Variants in FRYL observed in about 807,000 individuals in gnomAD.
FRYL encodes protein furry homolog-like.
Under a neutral mutation model 351.2 loss-of-function variants are expected in FRYL, and 150 were observed. That is an observed-to-expected ratio of 0.43 (90% CI 0.37 to 0.49). The LOEUF is 0.49. Among genes scored for constraint, FRYL ranks in the 20% least tolerant of loss-of-function variants. FRYL has a pLI of 0.00. For synonymous variants in FRYL, 1,153 were observed against 1,257.1 expected, an observed-to-expected ratio of 0.92 and a Z score of 1.75; for missense variants, 3,036 against 3,619.3, an observed-to-expected ratio of 0.84 and a Z score of 4.13.
At chr4:48,728,776 A>C (rs1007319277) in intron 1 of FRYL, among the ~76,000 whole-genome samples, 2 of 152,232 alleles carry the variant, frequency 1.3e-5, no homozygotes, top group Non-Finnish European at 2.9e-5. Context: ...GAATAGTAAC[A>C]GCTCTGGTCT....
intron 4 of FRYL, among the ~76,000 whole-genome samples, chr4:48,628,191 G>C (rs781142413): frequency 5.2e-4 from 79 of 152,288 alleles, no homozygotes; most frequent in Non-Finnish European, 6.8e-4. Context: ...TGAATGCAAA[G>C]ATGTGTGTAC....
At chr4:48,715,206 C>T (rs1345251469) in intron 1 of FRYL, among the ~76,000 whole-genome samples, 2 of 151,552 alleles carry the variant, frequency 1.3e-5, no homozygotes, top group South Asian at 2.1e-4. Context: ...CCTTTGAAAA[C>T]TGGCACAAGA....
chr4:48,738,685 G>A (rs1165684174), intron 1 of FRYL, among the ~76,000 whole-genome samples: 1 of 94,802 alleles, frequency 1.1e-5, no homozygotes, highest in Non-Finnish European at 2.2e-5. Context: ...TTTTTTTTTT[G>A]GTAGAGACAG....
intron 3 of FRYL, chr4:48,653,794 C>T (rs1179757216): frequency 7.8e-7 from 1 of 1,286,784 alleles, no homozygotes; most frequent in African/African-American, 1.6e-5. Flanking sequence ...CATAGTGTCT[C>T]AATCAGCTGC....
At chr4:48,693,885 G>A (rs1418000528) in intron 2 of FRYL, among the ~76,000 whole-genome samples, 7 of 152,240 alleles carry the variant, frequency 4.6e-5, no homozygotes, top group African/African-American at 1.2e-4. Context: ...TATTATGTAC[G>A]AGTATTAAAT....
At chr4:48,650,196 C>A (rs1451081181) in intron 3 of FRYL, among the ~76,000 whole-genome samples, 3 of 152,112 alleles carry the variant, frequency 2.0e-5, no homozygotes, top group Non-Finnish European at 4.4e-5. Flanking sequence ...CCCTGAGAGA[C>A]ATCAGTAGCA....
At position 48,540,073 on chromosome 4, in the gene FRYL, C is replaced by G. The variant is rs1423983105; in HGVS notation, c.6296-5G>C. ...AAAGGATGTTAAGAGGAAAGCCTAT[C>G]AAAACAAAAAAAAGCAAACAATAAC... On this transcript the variant is annotated splice_polypyrimidine_tract_variant and splice_region_variant and intron_variant, in intron 46 of 63. Transcript: ENST00000358350. 1.9e-6 allele frequency: 3 copies of G among 1,595,436 alleles called. No homozygotes were observed. The highest frequency in any genetic ancestry group is 2.6e-6 in the Non-Finnish European group (3 of 1,172,474).
chr4:48,504,300 G>T (rs1340644404), intron 60 of FRYL, among the ~76,000 whole-genome samples: 1 of 152,090 alleles, frequency 6.6e-6, no homozygotes, highest in African/African-American at 2.4e-5. Context: ...AAGGTGAGCT[G>T]AAATATAAAT....
chr4:48,708,307 T>A (rs573313397), intron 2 of FRYL, among the ~76,000 whole-genome samples: 4 of 151,118 alleles, frequency 2.6e-5, no homozygotes, highest in African/African-American at 7.3e-5. Flanking sequence ...AATAAATAAA[T>A]AAAAATAAAA....
chr4:48,732,867 G>A (rs182636908), intron 1 of FRYL, among the ~76,000 whole-genome samples: 164 of 150,762 alleles, frequency 1.1e-3, no homozygotes, highest in South Asian at 4.4e-3. Flanking sequence ...TGGAATGTGC[G>A]TACCTATGAA....
At chr4:48,718,489 C>A (rs572085593) in intron 1 of FRYL, among the ~76,000 whole-genome samples, 6 of 151,432 alleles carry the variant, frequency 4.0e-5, no homozygotes, top group Non-Finnish European at 7.4e-5. Context: ...CTACTCTATA[C>A]GTTAGTTGTA....
At position 48,499,337 on chromosome 4, in the gene FRYL, G is replaced by C; in HGVS notation, c.*85C>G. On this transcript the variant is annotated 3_prime_UTR_variant, in exon 64 of 64. Coordinates refer to ENST00000358350, the MANE Select transcript of FRYL (RefSeq NM_015030.2). ...AGTAGATGCTGCCAGAAAGTTATCA[G>C]TGAATGCAAGGGTCCATAAAAGGTG... The C allele has an allele frequency of 8.5e-7, 1 of 1,171,198 alleles. No individual in the cohort carries two copies. Among genetic ancestry groups the C allele is most frequent in the South Asian group, 1.4e-5 (1 of 70,110 alleles). 72.6% of individuals were successfully genotyped at this position (1,171,198 alleles called of 1,614,324 possible). A position where few individuals can be genotyped will look rare whatever the true frequency, so the allele number is the denominator to read the frequency against.
intron 2 of FRYL, among the ~76,000 whole-genome samples, chr4:48,697,847 T>A (rs1766346249): frequency 6.6e-6 from 1 of 151,984 alleles, no homozygotes; most frequent in Non-Finnish European, 1.5e-5. Context: ...AAAGAAGAAA[T>A]AAGAATGGTA....
intron 59 of FRYL, among the ~76,000 whole-genome samples, chr4:48,507,535 C>CAGTT (rs56023671): frequency 0.099 from 15,093 of 151,728 alleles, 860 homozygotes; most frequent in Non-Finnish European, 0.12. Flanking sequence ...CTCAAACAAA[C>CAGTT]AGTTAGTTAG....
chr4:48,531,952 T>A (rs7439175), intron 49 of FRYL, among the ~76,000 whole-genome samples: 150,396 of 152,186 alleles, frequency 0.99, 74,335 homozygotes, highest in South Asian at 1. Flanking sequence ...TTGGCTATTT[T>A]AAAAAAATTT....
At chr4:48,585,407 G>A (rs1236014523) in intron 19 of FRYL, among the ~76,000 whole-genome samples, 4 of 152,176 alleles carry the variant, frequency 2.6e-5, no homozygotes, top group Admixed American at 6.5e-5. Context: ...CTAGGGAAGT[G>A]GGGAGAAAGG....
chr4:48,712,374 G>A (rs1217230608), intron 1 of FRYL, among the ~76,000 whole-genome samples: 3 of 152,288 alleles, frequency 2.0e-5, no homozygotes, highest in Admixed American at 6.5e-5. Context: ...AGTGCTTAAA[G>A]GAGCCGATGG....
chr4:48,713,507 A>T (rs1768360487), intron 1 of FRYL, among the ~76,000 whole-genome samples: 1 of 152,212 alleles, frequency 6.6e-6, no homozygotes, highest in Non-Finnish European at 1.5e-5. Flanking sequence ...ACCAAAAAAG[A>T]TCAAAAGAGA....
rs191941860 is a variant in FRYL, at chr4:48,562,307, A to G, written c.3696+582T>C. ...TTAATTAACAAAGGCATTAGGGTAT[A>G]ATTCCTAAGATGGATCTACTGGCAT... On this transcript the variant is annotated intron_variant, in intron 32 of 63. Transcript: ENST00000358350. 2.6e-5 allele frequency among the ~76,000 whole-genome samples: 4 copies of G among 152,306 alleles called. No homozygotes were observed. The East Asian group carries it at 7.7e-4, about 29-fold the overall frequency.
Sources: allele counts gnomAD v4.1 joint callset (sites outside exome capture counted in the v4.1 genomes callset), GRCh38; gene constraint gnomAD v4.1.1; transcripts MANE v1.5; gene names NCBI Gene and HGNC (gene_info 2026-07-23, HGNC 2026-07-21).